Variants in TMEM178B observed in about 807,000 individuals in gnomAD.
TMEM178B encodes transmembrane protein 178B.
TMEM178B carries 5 observed loss-of-function variants against 31.0 expected under a neutral mutation model. That is an observed-to-expected ratio of 0.16 (90% CI 0.08 to 0.34). The LOEUF is 0.34. Among genes scored for constraint, TMEM178B ranks in the 10% least tolerant of loss-of-function variants. TMEM178B has a pLI of 1.00. For missense variants in TMEM178B, 275 were observed against 400.3 expected (o/e 0.69, Z 2.67); for synonymous variants, 164 against 164.0 (o/e 1.00, Z 0.00).
chr7:141,222,661 C>A (rs1797274890), intron 2 of TMEM178B, among the ~76,000 whole-genome samples: 1 of 152,080 alleles, frequency 6.6e-6, no homozygotes, highest in African/African-American at 2.4e-5. Context: ...AACTCAGGGG[C>A]TTTTCTGTTT....
chr7:141,150,994 A>T (rs1795964397), intron 1 of TMEM178B, among the ~76,000 whole-genome samples: 1 of 152,252 alleles, frequency 6.6e-6, no homozygotes, highest in Admixed American at 6.5e-5. Context: ...TACATCATTC[A>T]TGAAATGATA....
chr7:141,213,409 G>C (rs1471608385), intron 2 of TMEM178B, among the ~76,000 whole-genome samples: 3 of 152,178 alleles, frequency 2.0e-5, no homozygotes, highest in East Asian at 3.9e-4. Flanking sequence ...TTGCTTGTCT[G>C]TGGCAGGAGA....
chr7:141,381,764 C>A (rs967226580), intron 2 of TMEM178B, among the ~76,000 whole-genome samples: 1 of 152,190 alleles, frequency 6.6e-6, no homozygotes, highest in Admixed American at 6.6e-5. Context: ...TCAGATCCCC[C>A]CCTTTTGCCC....
Position 141,472,738 on chromosome 7 carries a change from T to TAACC in TMEM178B, c.*1954_*1957dup, listed in dbSNP as rs1404891439. The TAACC allele has an allele frequency of 6.6e-6, 1 of 152,322 alleles. No homozygotes were observed. The highest frequency in any genetic ancestry group is 2.4e-5 in the African/African-American group (1 of 41,448). The allele number at this position is 152,322 out of a possible 1,614,324, so 9.4% of individuals were successfully genotyped here. The stretch of plus-strand genomic sequence containing the variant: ...CCACTCTCCTCCTTTTCTCACCTAC[T>TAACC]AACCACTTACCTTCTCTCTCTTCTA... On this transcript the variant is annotated 3_prime_UTR_variant, in exon 4 of 4. Coordinates refer to ENST00000565468, the MANE Select transcript of TMEM178B (RefSeq NM_001195278.2).
chr7:141,243,975 T>C (rs959662037), intron 2 of TMEM178B, among the ~76,000 whole-genome samples: 1 of 152,182 alleles, frequency 6.6e-6, no homozygotes, highest in Non-Finnish European at 1.5e-5. Flanking sequence ...ATTCATAGCC[T>C]TCCACTAGAG....
At chr7:141,306,313 G>A (rs1465436078) in intron 2 of TMEM178B, among the ~76,000 whole-genome samples, 1 of 152,130 alleles carries the variant, frequency 6.6e-6, no homozygotes, top group Non-Finnish European at 1.5e-5. Flanking sequence ...CACATGGGAG[G>A]GGCCATCATG....
intron 2 of TMEM178B, among the ~76,000 whole-genome samples, chr7:141,374,823 A>G (rs1182711192): frequency 6.6e-6 from 1 of 152,230 alleles, no homozygotes; most frequent in African/African-American, 2.4e-5. Context: ...GATAGATGAG[A>G]TCATTACTGG....
At chr7:141,193,922 A>G (rs1040370449) in intron 1 of TMEM178B, among the ~76,000 whole-genome samples, 10 of 152,190 alleles carry the variant, frequency 6.6e-5, no homozygotes, top group Non-Finnish European at 1.3e-4. Context: ...GCCACCTCAT[A>G]TACTTCTTAC....
intron 2 of TMEM178B, among the ~76,000 whole-genome samples, chr7:141,367,914 G>A (rs1318732628): frequency 2.0e-5 from 3 of 152,130 alleles, no homozygotes; most frequent in Non-Finnish European, 2.9e-5. Flanking sequence ...AGCGTCTGAA[G>A]CTCTGAAGAC....
intron 2 of TMEM178B, among the ~76,000 whole-genome samples, chr7:141,409,163 C>T (rs184243948): frequency 5.1e-4 from 77 of 152,182 alleles, no homozygotes; most frequent in Non-Finnish European, 8.4e-4. Flanking sequence ...ACTCGATGCA[C>T]GTACTGTCAG....
chr7:141,215,337 A>ATTATTATTATTTTTTTT (rs55726735), intron 2 of TMEM178B, among the ~76,000 whole-genome samples: 2,837 of 141,468 alleles, frequency 0.02, 44 homozygotes, highest in Middle Eastern at 0.033. Context: ...TATTATTATT[A>ATTATTATTATTTTTTTT]TTTTTTGAGA....
chr7:141,263,812 T>C (rs1421359028), intron 2 of TMEM178B, among the ~76,000 whole-genome samples: 2 of 152,070 alleles, frequency 1.3e-5, no homozygotes, highest in East Asian at 1.9e-4. Flanking sequence ...GATTCAGAGG[T>C]CCCCAGGACC....
intron 2 of TMEM178B, among the ~76,000 whole-genome samples, chr7:141,213,740 C>T (rs1797084994): frequency 1.3e-5 from 2 of 152,282 alleles, no homozygotes; most frequent in African/African-American, 4.8e-5. Flanking sequence ...TTAATTAAAC[C>T]ACCACAGCTT....
intron 2 of TMEM178B, among the ~76,000 whole-genome samples, chr7:141,363,967 A>G (rs1799960111): frequency 6.6e-6 from 1 of 151,714 alleles, no homozygotes; most frequent in South Asian, 2.1e-4. Flanking sequence ...AATATTAAAT[A>G]TTAAAGAATT....
chr7:141,449,517 A>G (rs1407342119), intron 3 of TMEM178B, among the ~76,000 whole-genome samples: 7 of 152,178 alleles, frequency 4.6e-5, no homozygotes, highest in Non-Finnish European at 1.0e-4. Flanking sequence ...CAGGGTCTAG[A>G]GCCTGGAGGA....
At chr7:141,375,494 C>T (rs1800197332) in intron 2 of TMEM178B, among the ~76,000 whole-genome samples, 1 of 152,198 alleles carries the variant, frequency 6.6e-6, no homozygotes, top group African/African-American at 2.4e-5. Flanking sequence ...TTTTAGCAGA[C>T]AGGACTAACA....
chr7:141,154,599 G>C (rs961166047), intron 1 of TMEM178B, among the ~76,000 whole-genome samples: 1 of 152,170 alleles, frequency 6.6e-6, no homozygotes, highest in African/African-American at 2.4e-5. Context: ...GTAAACATTG[G>C]ATCCTTTCTC....
intron 2 of TMEM178B, among the ~76,000 whole-genome samples, chr7:141,340,369 AAC>A (rs1272449912): frequency 2.0e-5 from 3 of 152,182 alleles, no homozygotes; most frequent in Admixed American, 6.5e-5. Context: ...ATAGATAACT[AAC>A]ACAGGTACCA....
intron 2 of TMEM178B, among the ~76,000 whole-genome samples, chr7:141,250,867 A>T (rs1404824200): frequency 6.6e-6 from 1 of 152,192 alleles, no homozygotes; most frequent in Non-Finnish European, 1.5e-5. Context: ...ATCACACTAC[A>T]GTCTTTCTTT....
Sources: allele counts gnomAD v4.1 joint callset (sites outside exome capture counted in the v4.1 genomes callset), GRCh38; gene constraint gnomAD v4.1.1; transcripts MANE v1.5; gene names NCBI Gene and HGNC (gene_info 2026-07-23, HGNC 2026-07-21).